AMPH: variants seen among roughly 807,000 people sequenced by gnomAD.
AMPH encodes amphiphysin.
A neutral mutation model predicts 99.1 loss-of-function variants in AMPH; 49 were observed. The ratio of observed to expected loss-of-function variants is 0.49; its 90% CI spans 0.39 to 0.63. The LOEUF (loss-of-function observed/expected upper bound fraction) is 0.63, where lower values mean the gene tolerates loss of function less well. Among genes scored for constraint, AMPH ranks in the 20% least tolerant of loss-of-function variants. The pLI, the probability that AMPH is intolerant of heterozygous loss-of-function variation, is 0.00. For missense variants in AMPH, 759 were observed against 863.4 expected (o/e 0.88, Z 1.52); for synonymous variants, 314 against 317.3 (o/e 0.99, Z 0.11).
chr7:38,397,266 A>G (rs1784697096), intron 17 of AMPH, among the ~76,000 whole-genome samples: 2 of 152,244 alleles, frequency 1.3e-5, no homozygotes, highest in South Asian at 4.1e-4. Flanking sequence ...AATTGATACT[A>G]CATCTCTGGG....
rs539203617 is a variant in AMPH at position 38,403,818 on chromosome 7, G to A, written c.1399-9604C>T. On this transcript the variant is annotated intron_variant, in intron 17 of 20. Coordinates refer to ENST00000356264, the MANE Select transcript of AMPH (RefSeq NM_001635.4). ...TCCCCCACCCACCATTGTGGATGCAGAGCAGACTTCCCCTACTGGGGCCTT... is the reference window on the plus strand; with the variant it reads ...TCCCCCACCCACCATTGTGGATGCAAAGCAGACTTCCCCTACTGGGGCCTT... 6.6e-5 allele frequency among the ~76,000 whole-genome samples: 10 copies of A among 152,366 alleles called. No individual in the cohort carries two copies. In the South Asian group the frequency reaches 2.1e-3, roughly 32 times the overall value.
At chr7:38,488,753 C>T (rs557292128) in intron 5 of AMPH, among the ~76,000 whole-genome samples, 1 of 152,002 alleles carries the variant, frequency 6.6e-6, no homozygotes, top group East Asian at 1.9e-4. Context: ...CAATAGCATC[C>T]AAGATACTAA....
rs543348602 is a variant in AMPH, at chr7:38,397,669, C to T, written c.1399-3455G>A. Among the ~76,000 whole-genome samples, 38 of 152,254 alleles carry T rather than the reference C, an allele frequency of 2.5e-4. 2 individuals are homozygous for T. In the South Asian group the frequency reaches 6.2e-3, roughly 25 times the overall value. On this transcript the variant is annotated intron_variant, in intron 17 of 20. Coordinates refer to ENST00000356264, the MANE Select transcript of AMPH (RefSeq NM_001635.4). The stretch of plus-strand genomic sequence containing the variant: ...AAGCGAAAATGGACAAATGGGATTA[C>T]GTCAAGTTAAAAAGCCTCTGCACTG...
chr7:38,438,079 C>T (rs1786356582), intron 11 of AMPH, among the ~76,000 whole-genome samples: 1 of 152,064 alleles, frequency 6.6e-6, no homozygotes, highest in African/African-American at 2.4e-5. Flanking sequence ...CTTTGTTTTT[C>T]CCCAACTTTT....
At chr7:38,533,831 T>C (rs3807390) in intron 2 of AMPH, among the ~76,000 whole-genome samples, 44,749 of 152,008 alleles carry the variant, frequency 0.29, 7,027 homozygotes, top group Non-Finnish European at 0.35. Flanking sequence ...ACCTCTAAGA[T>C]GATCTCTAGA....
chr7:38,424,860 G>A (rs1785726650), intron 15 of AMPH, among the ~76,000 whole-genome samples: 1 of 152,100 alleles, frequency 6.6e-6, no homozygotes, highest in Non-Finnish European at 1.5e-5. Flanking sequence ...GGAGGAGGGA[G>A]ATAGAGAGAA....
chr7:38,587,947 T>TGC (rs1438923883), intron 1 of AMPH, among the ~76,000 whole-genome samples: 4,257 of 144,736 alleles, frequency 0.029, 170 homozygotes, highest in African/African-American at 0.091. Context: ...TGTGTGTGTG[T>TGC]GTGCGCGTGT....
At chr7:38,576,917 C>G (rs1225934664) in intron 1 of AMPH, among the ~76,000 whole-genome samples, 1 of 152,094 alleles carries the variant, frequency 6.6e-6, no homozygotes, top group Non-Finnish European at 1.5e-5. Flanking sequence ...TAATATCTAC[C>G]TGGCCGGGCT....
chr7:38,552,173 G>A (rs978181429), intron 1 of AMPH, among the ~76,000 whole-genome samples: 3 of 152,184 alleles, frequency 2.0e-5, no homozygotes, highest in Non-Finnish European at 2.9e-5. Context: ...GAACCCTTTT[G>A]TCAAAAATGA....
intron 2 of AMPH, among the ~76,000 whole-genome samples, chr7:38,524,214 A>C (rs1419272418): frequency 6.6e-6 from 1 of 152,196 alleles, no homozygotes; most frequent in African/African-American, 2.4e-5. Context: ...ACACTCTACA[A>C]ATAAACACTG....
intron 3 of AMPH, among the ~76,000 whole-genome samples, chr7:38,499,460 T>G (rs1004205511): frequency 1.3e-5 from 2 of 152,184 alleles, no homozygotes; most frequent in Non-Finnish European, 2.9e-5. Context: ...ATCCCAGTTT[T>G]GGGGCCTTTA....
intron 2 of AMPH, among the ~76,000 whole-genome samples, chr7:38,521,749 T>A (rs1280064042): frequency 6.6e-6 from 1 of 152,166 alleles, no homozygotes; most frequent in Non-Finnish European, 1.5e-5. Context: ...GGGATTCCCA[T>A]CCCCTCAGTC....
At chr7:38,551,914 A>T (rs780536832) in intron 1 of AMPH, among the ~76,000 whole-genome samples, 18 of 152,234 alleles carry the variant, frequency 1.2e-4, no homozygotes, top group Non-Finnish European at 1.9e-4. Flanking sequence ...TTAAATTCCT[A>T]AATTCCTTTG....
At chr7:38,429,600 A>G in intron 14 of AMPH, 1 of 1,449,788 alleles carries the variant, frequency 6.9e-7, no homozygotes, top group Admixed American at 2.5e-5. Context: ...CAGAAGAGCA[A>G]AGGAAAAAAA....
chr7:38,445,685 T>G (rs76957940), intron 11 of AMPH, among the ~76,000 whole-genome samples: 3,288 of 152,232 alleles, frequency 0.022, 122 homozygotes, highest in African/African-American at 0.075. Flanking sequence ...AAATGCAAAT[T>G]AAATCAAAAT....
intron 7 of AMPH, among the ~76,000 whole-genome samples, chr7:38,468,059 C>T (rs562811458): frequency 6.6e-6 from 1 of 152,114 alleles, no homozygotes; most frequent in Non-Finnish European, 1.5e-5. Flanking sequence ...TTCCTTAGGA[C>T]AGATTTCTTG....
At chr7:38,562,699 G>T (rs1445503041) in intron 1 of AMPH, among the ~76,000 whole-genome samples, 1 of 151,880 alleles carries the variant, frequency 6.6e-6, no homozygotes, top group Admixed American at 6.6e-5. Context: ...TGGAGAAAAG[G>T]GGAGTGAAAA....
intron 17 of AMPH, among the ~76,000 whole-genome samples, chr7:38,413,500 G>T (rs1285967272): frequency 6.6e-6 from 1 of 152,184 alleles, no homozygotes; most frequent in Non-Finnish European, 1.5e-5. Flanking sequence ...AATTTGATGG[G>T]CATGGATTAT....
chr7:38,433,496 C>T (rs893144677), intron 12 of AMPH, among the ~76,000 whole-genome samples: 36 of 151,732 alleles, frequency 2.4e-4, no homozygotes, highest in African/African-American at 7.7e-4. Flanking sequence ...GAGGCCGAGG[C>T]GGGCGGATCA....
Sources: gnomAD v4.1 joint callset for allele counts (sites outside exome capture counted in the v4.1 genomes callset) on GRCh38, gnomAD v4.1.1 for gene constraint, MANE v1.5 for transcripts, NCBI Gene and HGNC (gene_info 2026-07-23, HGNC 2026-07-21) for gene names.